PIEZO2: variants seen among roughly 807,000 people sequenced by gnomAD.
PIEZO2 encodes piezo-type mechanosensitive ion channel component 2.
PIEZO2 carries 172 observed loss-of-function variants against 337.3 expected under a neutral mutation model. That is an observed-to-expected ratio of 0.51 (90% CI 0.45 to 0.58). PIEZO2 has a LOEUF of 0.58. Among genes scored for constraint, PIEZO2 ranks in the 20% least tolerant of loss-of-function variants. The pLI is 0.00. For synonymous variants in PIEZO2, 1,251 were observed against 1,228.5 expected (o/e 1.02, Z -0.38); for missense variants, 3,028 against 3,391.3 (o/e 0.89, Z 2.66).
rs2040196079 is a variant in PIEZO2, at chr18:11,126,822, A to T, written c.64+21703T>A. Reference sequence around the variant, plus strand: ...TTTTTAAAGCCCCAGTGACCCTATGAGGTAGTTACTTTTATTGCCTGCATT... The same window carrying T: ...TTTTTAAAGCCCCAGTGACCCTATGTGGTAGTTACTTTTATTGCCTGCATT... On this transcript the variant is annotated intron_variant, in intron 1 of 55. Transcript: ENST00000674853. The surrounding 1 kb of genome is among the most constrained non-coding windows in gnomAD (Gnocchi z 4.6). Among the ~76,000 whole-genome samples, 1 of 152,108 alleles carries T rather than the reference A, an allele frequency of 6.6e-6. No homozygotes were observed. Among genetic ancestry groups the T allele is most frequent in the Non-Finnish European group, 1.5e-5 (1 of 68,010 alleles).
chr18:10,912,152 G>A (rs1367545703), intron 3 of PIEZO2, among the ~76,000 whole-genome samples: 1 of 151,950 alleles, frequency 6.6e-6, no homozygotes, highest in Non-Finnish European at 1.5e-5. Flanking sequence ...ATAAGAGATG[G>A]ACAGCTGGGT....
rs1283038664 is a variant in PIEZO2 at position 11,078,915 on chromosome 18, C to T, written c.65-12693G>A. ...GGGACCAGTCTAAAGAGATGTTTCC[C>T]AGGCTGCCTCAGCCTTCTGCTCTAT... On this transcript the variant is annotated intron_variant, in intron 1 of 55. Transcript: ENST00000674853. This position sits in a 1 kb window ranked among gnomAD's most constrained non-coding sequence, Gnocchi z 5.3. Among the ~76,000 whole-genome samples, 3 of 152,210 alleles carry T rather than the reference C, an allele frequency of 2.0e-5. No homozygotes were observed. Among genetic ancestry groups the T allele is most frequent in the Non-Finnish European group, 4.4e-5 (3 of 68,038 alleles).
intron 7 of PIEZO2, among the ~76,000 whole-genome samples, chr18:10,835,799 C>T (rs1336771536): frequency 1.3e-5 from 2 of 152,232 alleles, no homozygotes; most frequent in African/African-American, 2.4e-5. Context: ...CCACCTTGGC[C>T]TACGGGCATG....
At position 11,028,349 on chromosome 18, in the gene PIEZO2, C is replaced by T. The variant is rs2036609480; in HGVS notation, c.160+37778G>A. 6.6e-6 allele frequency among the ~76,000 whole-genome samples: 1 copy of T among 152,036 alleles called. No individual in the cohort carries two copies. Among genetic ancestry groups the T allele is most frequent in the African/African-American group, 2.4e-5 (1 of 41,380 alleles). ...GATCTCGGCTCATTGCAACCTCTGCCTCCCAGGTTCAAGCAATTATCTTGC... is the reference window on the plus strand; with the variant it reads ...GATCTCGGCTCATTGCAACCTCTGCTTCCCAGGTTCAAGCAATTATCTTGC... On this transcript the variant is annotated intron_variant, in intron 2 of 55. Coordinates refer to ENST00000674853, the MANE Select transcript of PIEZO2 (RefSeq NM_001378183.1). The surrounding 1 kb of genome is among the most constrained non-coding windows in gnomAD (Gnocchi z 4.8).
At position 10,856,440 on chromosome 18, in the gene PIEZO2, G is replaced by A. The variant is rs2041707539; in HGVS notation, c.703+561C>T. On this transcript the variant is annotated intron_variant, in intron 6 of 55. Coordinates refer to ENST00000674853, the MANE Select transcript of PIEZO2 (RefSeq NM_001378183.1). The surrounding 1 kb of genome is among the most constrained non-coding windows in gnomAD (Gnocchi z 4.7). ...CGCCTCCCATAGCTCCGGGGCAGTG[G>A]TGAGCAGTGGAATGGAAGGAGGGAA... Among the ~76,000 whole-genome samples, 2 of 152,166 alleles carry A rather than the reference G, an allele frequency of 1.3e-5. No homozygotes were observed. The highest frequency in any genetic ancestry group is 6.5e-5 in the Admixed American group (1 of 15,278).
intron 7 of PIEZO2, among the ~76,000 whole-genome samples, chr18:10,852,116 A>G (rs868375674): frequency 6.6e-6 from 1 of 152,260 alleles, no homozygotes; most frequent in Non-Finnish European, 1.5e-5. Flanking sequence ...AAAGGAAACT[A>G]AAAGCATTAA....
rs1217583765 is a variant in PIEZO2, at chr18:10,708,363, T to G, written c.5500A>C (p.Thr1834Pro). 1 of 152,616 alleles carries G rather than the reference T, an allele frequency of 6.6e-6. No individual in the cohort carries two copies. Among genetic ancestry groups the G allele is most frequent in the Non-Finnish European group, 1.5e-5 (1 of 68,048 alleles). The allele number at this position is 152,616 out of a possible 1,614,324, so 9.5% of individuals were successfully genotyped here. A position where few individuals can be genotyped will look rare whatever the true frequency, so the allele number is the denominator to read the frequency against. The stretch of plus-strand genomic sequence containing the variant: ...AGCCTAGGCCGAGCACGCTCGCTTG[T>G]TTTAGGAATTTCTTGTCCATCTAAA... The part of the protein sequence containing the change: ...DDLDGQEIPK[T>P]SERARPRLRK... Residue 1834 changes from threonine (T) to proline (P), a missense_variant, in exon 40 of 56, where the codon ACA becomes CCA. This residue lies in a region of PIEZO2 where 1,925 missense variants were observed against 2,051.9 expected (regional missense o/e 0.94). Transcript: ENST00000674853.
At chr18:11,018,382 C>CATGTGT (rs2036196439) in intron 2 of PIEZO2, among the ~76,000 whole-genome samples, 2 of 114,138 alleles carry the variant, frequency 1.8e-5, no homozygotes, top group Non-Finnish European at 3.6e-5. Context: ...CCCAACATGT[C>CATGTGT]GTGTGTGTGT....
intron 1 of PIEZO2, among the ~76,000 whole-genome samples, chr18:11,113,015 C>G (rs370589205): frequency 1.3e-5 from 2 of 152,200 alleles, no homozygotes; most frequent in Non-Finnish European, 2.9e-5. Context: ...CAGTGCCCAG[C>G]ACGATGTAGG....
chr18:11,036,909 G>A (rs903885293), intron 2 of PIEZO2, among the ~76,000 whole-genome samples: 8 of 152,138 alleles, frequency 5.3e-5, no homozygotes, highest in Admixed American at 1.3e-4. Context: ...TAAACTCCAC[G>A]TGGACCCAGG....
intron 4 of PIEZO2, among the ~76,000 whole-genome samples, chr18:10,909,086 G>A (rs1161803803): frequency 1.3e-5 from 2 of 152,218 alleles, no homozygotes; most frequent in Non-Finnish European, 2.9e-5. Flanking sequence ...AACAGGGGAT[G>A]AGCCTGGGCC....
At position 10,870,159 on chromosome 18, in the gene PIEZO2, A is replaced by C. The variant is rs1237643559; in HGVS notation, c.492+1094T>G. Among the ~76,000 whole-genome samples the C allele has an allele frequency of 6.6e-6, 1 of 152,212 alleles. No homozygotes were observed. The highest frequency in any genetic ancestry group is 6.5e-5 in the Admixed American group (1 of 15,282). On this transcript the variant is annotated intron_variant, in intron 5 of 55. Coordinates refer to ENST00000674853, the MANE Select transcript of PIEZO2 (RefSeq NM_001378183.1). The surrounding 1 kb of genome is among the most constrained non-coding windows in gnomAD (Gnocchi z 5.3). Reference sequence around the variant, plus strand: ...CCAAGGTGCTGGGATTACAGGTCTGAGCCACAGTGCCTGGCTAGACAATAT... The same window carrying C: ...CCAAGGTGCTGGGATTACAGGTCTGCGCCACAGTGCCTGGCTAGACAATAT...
intron 48 of PIEZO2, 152 bp from the exon 49 acceptor site, chr18:10,689,954 C>G: frequency 1.3e-6 from 1 of 777,244 alleles, no homozygotes; most frequent in Non-Finnish European, 2.0e-6. Flanking sequence ...CAACTTGGAA[C>G]ACAACTGCTT....
intron 7 of PIEZO2, among the ~76,000 whole-genome samples, chr18:10,810,093 T>C (rs939731067): frequency 2.6e-5 from 4 of 152,218 alleles, no homozygotes; most frequent in African/African-American, 9.6e-5. Context: ...TATACAAATG[T>C]ATTTGGTAAA....
At chr18:10,986,911 T>C (rs1486742184) in intron 2 of PIEZO2, among the ~76,000 whole-genome samples, 3 of 151,998 alleles carry the variant, frequency 2.0e-5, no homozygotes, top group Non-Finnish European at 2.9e-5. Context: ...TGTGTTTCTA[T>C]ACACTGACAA....
At chr18:10,685,122 G>C (rs2034494022) in intron 49 of PIEZO2, among the ~76,000 whole-genome samples, 1 of 152,194 alleles carries the variant, frequency 6.6e-6, no homozygotes, top group Admixed American at 6.5e-5. Context: ...TGCCTTTCAG[G>C]TTATTGCTCT....
chr18:10,925,644 A>G (rs111802954), intron 3 of PIEZO2, among the ~76,000 whole-genome samples: 2,187 of 152,256 alleles, frequency 0.014, 61 homozygotes, highest in African/African-American at 0.05. Flanking sequence ...CAGTGGCTCA[A>G]TCTCAGCTCA....
At chr18:10,836,603 T>C (rs1305911389) in intron 7 of PIEZO2, among the ~76,000 whole-genome samples, 1 of 152,318 alleles carries the variant, frequency 6.6e-6, no homozygotes, top group Middle Eastern at 3.4e-3. Flanking sequence ...GTCAAACATA[T>C]AAAGTCACAC....
At chr18:10,882,245 G>T (rs2042441040) in intron 4 of PIEZO2, among the ~76,000 whole-genome samples, 1 of 152,068 alleles carries the variant, frequency 6.6e-6, no homozygotes, top group Non-Finnish European at 1.5e-5. Flanking sequence ...GGCCTCTCTT[G>T]ATCCTGAAAT....
Sources: gnomAD v4.1 joint callset for allele counts (sites outside exome capture counted in the v4.1 genomes callset) on GRCh38, gnomAD v4.1.1 for gene constraint, gnomAD v4.1.1 regional missense constraint, Gnocchi (gnomAD v3.1) non-coding constraint, MANE v1.5 for transcripts, NCBI Gene and HGNC (gene_info 2026-07-23, HGNC 2026-07-21) for gene names.